CYP7B1: variants seen among roughly 807,000 people sequenced by gnomAD.
CYP7B1 encodes cytochrome P450 7B1.
A neutral mutation model predicts 42.7 loss-of-function variants in CYP7B1; 29 were observed. The ratio of observed to expected loss-of-function variants is 0.68; its 90% confidence interval spans 0.51 to 0.93. CYP7B1 has a LOEUF of 0.93. Ranked by LOEUF, CYP7B1 falls within the 40% of genes least tolerant of loss-of-function variation. The pLI, the probability that CYP7B1 is intolerant of heterozygous loss-of-function variation, is 0.00. For synonymous variants in CYP7B1, 235 were observed against 218.2 expected (o/e 1.08, Z -0.68); for missense variants, 655 against 600.5 (o/e 1.09, Z -0.95).
intron 1 of CYP7B1, among the ~76,000 whole-genome samples, chr8:64,675,413 T>C (rs1166542575): frequency 6.6e-6 from 1 of 151,290 alleles, no homozygotes; most frequent in Non-Finnish European, 1.5e-5. Context: ...GCTATTTTTG[T>C]TTGGTAAATA....
intron 4 of CYP7B1, among the ~76,000 whole-genome samples, chr8:64,612,200 TTC>T (rs1326842902): frequency 1.3e-5 from 2 of 152,112 alleles, no homozygotes; most frequent in South Asian, 2.1e-4. Flanking sequence ...CCAGATTTTT[TTC>T]TGAGATAACT....
intron 1 of CYP7B1, among the ~76,000 whole-genome samples, chr8:64,628,709 C>T (rs1027083723): frequency 2.6e-5 from 4 of 151,692 alleles, no homozygotes; most frequent in African/African-American, 9.7e-5. Flanking sequence ...AAATGAAATA[C>T]TGGAGAAGAA....
chr8:64,789,295 A>G (rs1233555808), intron 1 of CYP7B1, among the ~76,000 whole-genome samples: 1 of 152,206 alleles, frequency 6.6e-6, no homozygotes, highest in Non-Finnish European at 1.5e-5. Flanking sequence ...ACAAAAATGT[A>G]TATGATTCAT....
At chr8:64,712,167 T>C (rs1001064887) in intron 1 of CYP7B1, among the ~76,000 whole-genome samples, 1 of 152,200 alleles carries the variant, frequency 6.6e-6, no homozygotes, top group African/African-American at 2.4e-5. Context: ...TCTTTTGCAA[T>C]TAAGAATCTT....
chr8:64,714,485 G>C (rs532932543), intron 1 of CYP7B1, among the ~76,000 whole-genome samples: 203 of 152,318 alleles, frequency 1.3e-3, no homozygotes, highest in Middle Eastern at 3.4e-3. Context: ...TATTTTAAAA[G>C]AAAACTAAGA....
At position 64,624,424 on chromosome 8, in the gene CYP7B1, TG is replaced by T; in HGVS notation, c.237del (p.Asp79GlufsTer12). The T allele has an allele frequency of 6.2e-7, 1 of 1,612,672 alleles. No individual in the cohort carries two copies. Among genetic ancestry groups the T allele is most frequent in the Non-Finnish European group, 8.5e-7 (1 of 1,179,684 alleles). Reference sequence around the variant, plus strand: ...TTACCACCAAGAAGAACTGTGAAAGTGTCACCATGTTGCTTTTGAAGTGTTT... The same window carrying T: ...TTACCACCAAGAAGAACTGTGAAAGTTCACCATGTTGCTTTTGAAGTGTTT... Reference protein sequence around the residue: ...FMKTLQKQHGDTFTVLLGGKY... With the variant: ...FMKTLQKQHGXTFTVLLGGKY... On this transcript the variant is annotated frameshift_variant, in exon 2 of 6. Coordinates refer to ENST00000310193, the MANE Select transcript of CYP7B1 (RefSeq NM_004820.5). LOFTEE classifies it high-confidence loss of function.
Position 64,593,818 on chromosome 8 carries a change from A to T in CYP7B1, c.*2824T>A, listed in dbSNP as rs1805075486. ...ATGTTTGCTTCATACAGTTGAAGAA[A>T]TGAAAAAGGATGTTGAGTTTATAAT... On this transcript the variant is annotated 3_prime_UTR_variant, in exon 6 of 6. Coordinates refer to ENST00000310193, the MANE Select transcript of CYP7B1 (RefSeq NM_004820.5). Among the ~76,000 whole-genome samples, 1 of 152,240 alleles carries T rather than the reference A, an allele frequency of 6.6e-6. No homozygotes were observed. Among genetic ancestry groups the T allele is most frequent in the Non-Finnish European group, 1.5e-5 (1 of 68,038 alleles).
intron 1 of CYP7B1, among the ~76,000 whole-genome samples, chr8:64,775,575 TA>T (rs1804310993): frequency 6.6e-6 from 1 of 152,078 alleles, no homozygotes; most frequent in East Asian, 1.9e-4. Context: ...GAGAGATGAG[TA>T]AAAAATAGAC....
chr8:64,615,468 G>A (rs1381501760), intron 3 of CYP7B1, among the ~76,000 whole-genome samples: 1 of 149,894 alleles, frequency 6.7e-6, no homozygotes, highest in South Asian at 2.1e-4. Flanking sequence ...ATGCAGCTTA[G>A]TTATACTCTT....
In CYP7B1 at chr8:64,596,346, G is replaced by T. The variant is rs1466638225; in HGVS notation, c.*296C>A. The T allele has an allele frequency of 3.5e-6, 1 of 284,606 alleles. No individual in the cohort carries two copies. The highest frequency in any genetic ancestry group is 6.8e-6 in the Non-Finnish European group (1 of 146,280). The allele number at this position is 284,606 out of a possible 1,614,324, so 17.6% of individuals were successfully genotyped here. ...CAGTGCCCAATCTATTGGTGTGAAG[G>T]TACATTTATTATAACAGGTGAAAAT... is the stretch of plus-strand genomic sequence containing the variant. On this transcript the variant is annotated 3_prime_UTR_variant, in exon 6 of 6. Coordinates refer to ENST00000310193, the MANE Select transcript of CYP7B1 (RefSeq NM_004820.5).
In CYP7B1 at chr8:64,698,331, CA is replaced by C. The variant is rs568857322; in HGVS notation, c.123-73793del. ...TTGGCAGAAGCTTTAGCTCCAGCAG[CA>C]GGGGGGGGAAAAAAACTAAACTACG... On this transcript the variant is annotated intron_variant, in intron 1 of 5. Coordinates refer to ENST00000310193, the MANE Select transcript of CYP7B1 (RefSeq NM_004820.5). 4.5e-3 allele frequency among the ~76,000 whole-genome samples: 678 copies of C among 151,704 alleles called. 5 individuals are homozygous for C. The highest frequency in any genetic ancestry group is 5.3e-3 in the Non-Finnish European group (362 of 67,906).
At position 64,615,875 on chromosome 8, in the gene CYP7B1, CTT is replaced by C. The variant is rs1563364129; in HGVS notation, c.664_665del (p.Lys222ValfsTer11). On this transcript the variant is annotated frameshift_variant, in exon 3 of 6. Transcript: ENST00000310193. LOFTEE classifies it high-confidence loss of function. The part of the protein sequence containing the change: ...LRDDFLKFDD[K>X]FAYLVSNIPI... ...GTATGTTGGATACTAAATATGCAAA[CTT>C]GTCATCAAATTTTAAAAAATCATCT... 6.2e-7 allele frequency: 1 copy of C among 1,613,674 alleles called. No homozygotes were observed. Among genetic ancestry groups the C allele is most frequent in the East Asian group, 2.2e-5 (1 of 44,854 alleles).
chr8:64,679,017 AT>A (rs2129631893), intron 1 of CYP7B1, among the ~76,000 whole-genome samples: 1 of 152,216 alleles, frequency 6.6e-6, no homozygotes, highest in African/African-American at 2.4e-5. Context: ...TTGCATATAT[AT>A]GACAGTCCTT....
At chr8:64,599,946 G>A (rs1159910015) in intron 5 of CYP7B1, among the ~76,000 whole-genome samples, 1 of 152,172 alleles carries the variant, frequency 6.6e-6, no homozygotes, top group African/African-American at 2.4e-5. Context: ...GGAGTTTGGA[G>A]CTATCACATT....
chr8:64,732,011 G>C (rs1377995882), intron 1 of CYP7B1, among the ~76,000 whole-genome samples: 1 of 152,250 alleles, frequency 6.6e-6, no homozygotes, highest in Non-Finnish European at 1.5e-5. Context: ...TACAGGGGCA[G>C]AGCCCTCATG....
At chr8:64,782,275 T>C (rs920460209) in intron 1 of CYP7B1, among the ~76,000 whole-genome samples, 5 of 152,128 alleles carry the variant, frequency 3.3e-5, no homozygotes, top group Non-Finnish European at 4.4e-5. Flanking sequence ...ACCTAATCTA[T>C]AAGGTGATGG....
At chr8:64,772,164 T>A (rs1378467194) in intron 1 of CYP7B1, among the ~76,000 whole-genome samples, 3 of 152,204 alleles carry the variant, frequency 2.0e-5, no homozygotes, top group Non-Finnish European at 4.4e-5. Context: ...TTACTATCTT[T>A]TTCTATGAAG....
intron 5 of CYP7B1, 50 bp downstream of exon 5, chr8:64,604,632 G>C: frequency 6.2e-7 from 1 of 1,605,892 alleles, no homozygotes; most frequent in Non-Finnish European, 8.5e-7. Flanking sequence ...GAAGAGGAAT[G>C]TGCCCACAGG....
intron 1 of CYP7B1, among the ~76,000 whole-genome samples, chr8:64,750,958 T>C (rs1807717282): frequency 6.6e-6 from 1 of 152,102 alleles, no homozygotes; most frequent in Non-Finnish European, 1.5e-5. Context: ...CAGGACACCA[T>C]CCTCACGCCA....
Sources: gnomAD v4.1 joint callset for allele counts (sites outside exome capture counted in the v4.1 genomes callset) on GRCh38, gnomAD v4.1.1 for gene constraint, MANE v1.5 for transcripts, NCBI Gene and HGNC (gene_info 2026-07-23, HGNC 2026-07-21) for gene names.